Variants in SYAP1 observed in about 807,000 individuals in gnomAD.
SYAP1 encodes synapse associated protein 1.
SYAP1 carries 3 observed loss-of-function variants against 29.6 expected under a neutral mutation model. That is an observed-to-expected ratio of 0.10 (90% CI 0.05 to 0.26). The LOEUF (loss-of-function observed/expected upper bound fraction) is 0.26, where lower values mean the gene tolerates loss of function less well. SYAP1 is among the 10% of genes least tolerant of loss of function. SYAP1 has a pLI of 1.00. For synonymous variants in SYAP1, 102 were observed against 102.7 expected, an observed-to-expected ratio of 0.99 and a Z score of 0.04; for missense variants, 217 against 264.1, an observed-to-expected ratio of 0.82 and a Z score of 1.24.
chrX:16,742,143 G>GTTTT (rs144175479), intron 4 of SYAP1, among the ~76,000 whole-genome samples: 14 of 41,861 alleles, frequency 3.3e-4, no homozygotes, highest in East Asian at 1.9e-3. Flanking sequence ...TTTTTGTGTG[G>GTTTT]TTTTTTTTTT....
intron 5 of SYAP1, 73 bp from the exon 6 acceptor site, chrX:16,754,844 ACTTGTCTGTGTGCGTTCTCAAATGTGTT>A: frequency 1.2e-6 from 1 of 830,977 alleles, no homozygotes; most frequent in Non-Finnish European, 1.8e-6. Context: ...CCCTGCGTGC[ACTTGTCTGTGTGCGTTCTCAAATGTGTT>A]CTTGTCTGTC....
intron 1 of SYAP1, among the ~76,000 whole-genome samples, chrX:16,720,422 A>T (rs1188012057): frequency 1.8e-5 from 2 of 112,092 alleles, no homozygotes; most frequent in Non-Finnish European, 3.8e-5. Flanking sequence ...GAAAATGCCA[A>T]CTGTCTGCTA....
intron 5 of SYAP1, among the ~76,000 whole-genome samples, chrX:16,744,437 G>C (rs1926548743): frequency 8.9e-6 from 1 of 112,803 alleles, no homozygotes; most frequent in African/African-American, 3.2e-5. Flanking sequence ...TTTGGAGTCA[G>C]CGTTCCTTCT....
chrX:16,743,713 T>C lies in SYAP1; in HGVS notation c.448T>C (p.Phe150Leu), dbSNP rs1413193536. 1 of 1,208,846 alleles carries C rather than the reference T, an allele frequency of 8.3e-7. No homozygotes were observed. Among genetic ancestry groups the C allele is most frequent in the Non-Finnish European group, 1.1e-6 (1 of 894,679 alleles). Residue 150 changes from phenylalanine to leucine, a missense_variant, in exon 5 of 9, where the codon TTC (phenylalanine) becomes CTC (leucine). Physicochemically the swap from Phe to Leu is conservative, Grantham distance 22 (BLOSUM62 0). Transcript: ENST00000380155. ...TTTTTTATCAAAGGACAAGAGGAAT[T>C]TCCTTCGTGACCCTCCGGCTGGCGT... ...ILALSADKRN[F>L]LRDPPAGVQF...
intron 7 of SYAP1, 136 bp from the exon 8 acceptor site, chrX:16,757,026 C>A: frequency 1.3e-6 from 1 of 781,272 alleles, no homozygotes; most frequent in Non-Finnish European, 1.9e-6. Context: ...GGTTGGAGAG[C>A]AGTGCTCATT....
chrX:16,727,341 C>CT (rs59067207), intron 1 of SYAP1, among the ~76,000 whole-genome samples: 2,395 of 79,522 alleles, frequency 0.03, 48 homozygotes, highest in Middle Eastern at 0.064. Flanking sequence ...TGAGATAAGA[C>CT]TTTTTTTTTT....
chrX:16,728,093 A>T lies in SYAP1; in HGVS notation c.176-7134A>T, dbSNP rs184742953. Among the ~76,000 whole-genome samples the T allele has an allele frequency of 5.8e-4, 65 of 112,327 alleles. 1 individual carries two copies. The highest frequency in any genetic ancestry group is 1.9e-3 in the Admixed American group (20 of 10,544). On this transcript the variant is annotated intron_variant, in intron 1 of 8. Transcript: ENST00000380155. ...TTCATGGGAGTATACTAAATTGTTA[A>T]AAGCTGTCAGTAGCTCAGAAGAAAA...
intron 5 of SYAP1, among the ~76,000 whole-genome samples, chrX:16,751,961 C>G (rs1212779834): frequency 7.8e-5 from 8 of 103,150 alleles, no homozygotes; most frequent in Middle Eastern, 4.9e-3. Flanking sequence ...CAGGCATGAG[C>G]CACTGCACCC....
intron 7 of SYAP1, 81 bp from the exon 8 acceptor site, chrX:16,757,081 A>C (rs901861413): frequency 2.0e-5 from 22 of 1,095,788 alleles, no homozygotes; most frequent in Non-Finnish European, 2.7e-5. Flanking sequence ...GCACGGCATT[A>C]AATTGTGAGA....
chrX:16,759,222 A>G (rs1207925999), intron 8 of SYAP1, among the ~76,000 whole-genome samples: 1 of 102,307 alleles, frequency 9.8e-6, no homozygotes, highest in Non-Finnish European at 2.0e-5. Context: ...AAAATTAGCC[A>G]GGCGTGGTGG....
At chrX:16,743,953 C>T (rs964028385) in intron 5 of SYAP1, 113 bp downstream of exon 5, 17 of 898,858 alleles carry the variant, frequency 1.9e-5, no homozygotes, top group Non-Finnish European at 2.4e-5. Context: ...AAGCAGGCCC[C>T]GCAGCCCTTT....
Position 16,719,654 on chromosome X carries a change from T to C in SYAP1, c.-71T>C. 3 of 1,103,260 alleles carry C rather than the reference T, an allele frequency of 2.7e-6. No individual in the cohort carries two copies. Among genetic ancestry groups the C allele is most frequent in the South Asian group, 2.1e-5 (1 of 47,502 alleles). 90.9% of individuals were successfully genotyped at this position (1,103,260 alleles called of 1,213,427 possible). ...ACATCTCCCTGGGAGTCGCGCAGAG[T>C]GGAGTCAAAGGCAACCAGTGCTCGC... On this transcript the variant is annotated 5_prime_UTR_variant, in exon 1 of 9. Transcript: ENST00000380155.
intron 5 of SYAP1, among the ~76,000 whole-genome samples, chrX:16,747,111 A>G (rs1476227093): frequency 9.0e-6 from 1 of 110,691 alleles, no homozygotes; most frequent in African/African-American, 3.3e-5. Flanking sequence ...ACGCCTGCCT[A>G]ATACTGTTTT....
Position 16,735,359 on chromosome X carries a change from T to A in SYAP1, c.294+14T>A, listed in dbSNP as rs371845158. ...ATCATTGACAAGGTATATTCAATTATCTTTTGGAAGTAGAAATGTATGAAA... is the reference window on the plus strand; with the variant it reads ...ATCATTGACAAGGTATATTCAATTAACTTTTGGAAGTAGAAATGTATGAAA... On this transcript the variant is annotated intron_variant, in intron 2 of 8. Transcript: ENST00000380155. 75 of 1,028,959 alleles carry A rather than the reference T, an allele frequency of 7.3e-5. No homozygotes were observed. The highest frequency in any genetic ancestry group is 9.9e-5 in the Non-Finnish European group (74 of 749,468). 84.8% of individuals were successfully genotyped at this position (1,028,959 alleles called of 1,213,427 possible).
chrX:16,728,533 C>T (rs374193156), intron 1 of SYAP1, among the ~76,000 whole-genome samples: 7 of 110,161 alleles, frequency 6.4e-5, no homozygotes, highest in African/African-American at 1.7e-4. Flanking sequence ...GGCATGATGG[C>T]GGGTACCTGT....
intron 5 of SYAP1, among the ~76,000 whole-genome samples, chrX:16,748,817 C>T (rs992867956): frequency 1.9e-5 from 2 of 104,997 alleles, no homozygotes; most frequent in Non-Finnish European, 3.9e-5. Context: ...TGTAGTGGTG[C>T]GATCTCGGCT....
chrX:16,759,353 A>G (rs1317347329), intron 8 of SYAP1, among the ~76,000 whole-genome samples: 1 of 109,708 alleles, frequency 9.1e-6, no homozygotes, highest in African/African-American at 3.3e-5. Flanking sequence ...CAACAGAGTG[A>G]GACTCTGTCT....
Position 16,762,408 on chromosome X carries a change from T to C in SYAP1, c.*2049T>C, listed in dbSNP as rs2147441834. 1 of 111,805 alleles carries C rather than the reference T, an allele frequency of 8.9e-6. No individual in the cohort carries two copies. The highest frequency in any genetic ancestry group is 3.2e-5 in the African/African-American group (1 of 30,817). The allele number at this position is 111,805 out of a possible 1,213,427, so 9.2% of individuals were successfully genotyped here. A position where few individuals can be genotyped will look rare whatever the true frequency, so the allele number is the denominator to read the frequency against. On this transcript the variant is annotated 3_prime_UTR_variant, in exon 9 of 9. Transcript: ENST00000380155. ...CATTTAAAAACAACCTAATTATGCA[T>C]TGCCTGTGAAAATAAAAGGATAAAA...
chrX:16,754,853 T>C (rs748182369), intron 5 of SYAP1, 92 bp from the exon 6 acceptor site: 37 of 905,708 alleles, frequency 4.1e-5, no homozygotes, highest in Non-Finnish European at 5.8e-5. Flanking sequence ...CACTTGTCTG[T>C]GTGCGTTCTC....
Sources: gnomAD v4.1 joint callset for allele counts (sites outside exome capture counted in the v4.1 genomes callset) on GRCh38, gnomAD v4.1.1 for gene constraint, MANE v1.5 for transcripts, NCBI Gene and HGNC (gene_info 2026-07-23, HGNC 2026-07-21) for gene names.